Variants in DNAAF5 observed in about 807,000 individuals in gnomAD.
DNAAF5 encodes the protein HEAT repeat containing 2.
In DNAAF5, 64 loss-of-function variants were observed where a neutral mutation model predicts 75.8. The observed-to-expected ratio is 0.84, with a 90% CI of 0.69 to 1.04. The LOEUF (loss-of-function observed/expected upper bound fraction) is 1.04, where lower values mean the gene tolerates loss of function less well. DNAAF5 is among the 50% of genes least tolerant of loss of function. The probability of loss-of-function intolerance (pLI) is 0.00; values close to 1 mark genes in which losing one functional copy is unlikely to be tolerated. For missense variants in DNAAF5, 1,269 were observed against 1,178.5 expected (o/e 1.08, Z -1.12); for synonymous variants, 657 against 557.2 (o/e 1.18, Z -2.52).
rs1677834088 is a variant in DNAAF5 at position 768,906 on chromosome 7, G to C, written c.1784-1565G>C. ...ACAGTCAGAAACTGGGTCAGAAGCA[G>C]CGTGGTTCTCGTGGCAGGGCGGCAC... On this transcript the variant is annotated intron_variant, in intron 8 of 12. Coordinates refer to ENST00000297440, the MANE Select transcript of DNAAF5 (RefSeq NM_017802.4). 3 of 535,114 alleles carry C rather than the reference G, an allele frequency of 5.6e-6. No homozygotes were observed. In the South Asian group the frequency reaches 7.7e-5, roughly 14 times the overall value. 33.1% of individuals were successfully genotyped at this position (535,114 alleles called of 1,614,324 possible).
rs1168547134 is a variant in DNAAF5 at position 780,878 on chromosome 7, CTTTTTT to C, written c.2431+737_2431+742del. ...TGTTGGTGAATATAATGACGTTGTT[CTTTTTT>C]TTAATAAAATTTGTATTTTTAATTT... On this transcript the variant is annotated intron_variant, in intron 12 of 12. Transcript: ENST00000297440. 2.1e-4 allele frequency among the ~76,000 whole-genome samples: 19 copies of C among 90,380 alleles called. No individual in the cohort carries two copies. The Admixed American group carries it at 2.2e-3, about 10-fold the overall frequency. The allele number at this position is 90,380 out of a possible 152,430, so 59.3% of individuals were successfully genotyped here. A position where few individuals can be genotyped will look rare whatever the true frequency, so the allele number is the denominator to read the frequency against.
chr7:782,870 C>A (rs1007747782), intron 12 of DNAAF5, among the ~76,000 whole-genome samples: 1 of 151,920 alleles, frequency 6.6e-6, no homozygotes, highest in Non-Finnish European at 1.5e-5. Flanking sequence ...CTGGCGTGGC[C>A]GCGTCCCCTC....
intron 4 of DNAAF5, among the ~76,000 whole-genome samples, chr7:750,651 C>T (rs1157085737): frequency 6.6e-6 from 1 of 152,198 alleles, no homozygotes; most frequent in Admixed American, 6.5e-5. Context: ...CACACTCCTT[C>T]ACCATCTGCT....
chr7:744,560 T>G (rs1207336807), intron 4 of DNAAF5, among the ~76,000 whole-genome samples: 1 of 151,756 alleles, frequency 6.6e-6, no homozygotes, highest in East Asian at 2.1e-4. Flanking sequence ...AAAATGCTCA[T>G]GATCACTGGC....
chr7:747,558 G>A (rs1289926248), intron 4 of DNAAF5, among the ~76,000 whole-genome samples: 13 of 151,580 alleles, frequency 8.6e-5, no homozygotes, highest in African/African-American at 1.2e-4. Flanking sequence ...TGTTTTTAGT[G>A]TATCCAGCTG....
At chr7:771,160 C>A (rs1436382615) in intron 9 of DNAAF5, 5 of 152,358 alleles carry the variant, frequency 3.3e-5, no homozygotes, top group Non-Finnish European at 7.3e-5. Flanking sequence ...TATTGATGGT[C>A]AAAGTGGTAA....
intron 3 of DNAAF5, 55 bp from the exon 4 acceptor site, chr7:741,292 G>A (rs1229131295): frequency 9.7e-6 from 13 of 1,344,248 alleles, no homozygotes; most frequent in African/African-American, 4.3e-5. Flanking sequence ...GCAGCCCTGC[G>A]GCCTCCCCTG....
rs1778718968 is a variant in DNAAF5 at position 775,169 on chromosome 7, C to T, written c.2239+7C>T. On this transcript the variant is annotated splice_region_variant and intron_variant, in intron 11 of 12. Coordinates refer to ENST00000297440, the MANE Select transcript of DNAAF5 (RefSeq NM_017802.4). ...CTCATCAGGATTTATCCTGGTAGGA[C>T]ATTTCTGTTGTTCACAGCCTGTGTA... is the stretch of plus-strand genomic sequence containing the variant. 1.9e-6 allele frequency: 3 copies of T among 1,613,780 alleles called. No homozygotes were observed. Among genetic ancestry groups the T allele is most frequent in the African/African-American group, 1.3e-5 (1 of 74,930 alleles).
chr7:726,750 G>C lies in DNAAF5; in HGVS notation c.30G>C (p.Val10=), dbSNP rs878855037. 4.0e-6 allele frequency: 5 copies of C among 1,246,482 alleles called. No homozygotes were observed. Among genetic ancestry groups the C allele is most frequent in the Non-Finnish European group, 1.0e-6 (1 of 996,696 alleles). 77.2% of individuals were successfully genotyped at this position (1,246,482 alleles called of 1,614,324 possible). A position where few individuals can be genotyped will look rare whatever the true frequency, so the allele number is the denominator to read the frequency against. MAALGVAEA[V]AAPHPAEGAE... is the part of the protein sequence containing the mutation. ...CGGCGCTGGGGGTGGCGGAGGCCGT[G>C]GCGGCCCCACACCCGGCTGAGGGGG... The change falls in exon 1 of 13, where the codon GTG becomes GTC. Residue 10 remains valine, a synonymous_variant. Transcript: ENST00000297440.
At chr7:740,680 C>T (rs1324706809) in intron 2 of DNAAF5, 139 bp from the exon 3 acceptor site, 40 of 1,213,578 alleles carry the variant, frequency 3.3e-5, no homozygotes, top group Non-Finnish European at 4.4e-5. Context: ...GGCATCTAGG[C>T]GGTGGTAGGT....
At position 763,931 on chromosome 7, in the gene DNAAF5, C is replaced by T. The variant is rs1782743587; in HGVS notation, c.1740C>T (p.His580=). 6.2e-7 allele frequency: 1 copy of T among 1,608,768 alleles called. No homozygotes were observed. The highest frequency in any genetic ancestry group is 1.7e-5 in the Admixed American group (1 of 60,034). Residue 580 remains histidine, a synonymous_variant, in exon 8 of 13, where the codon CAC becomes CAT. Transcript: ENST00000297440. ...VTASHLDWTA[H]SPELLQFSVI... The stretch of plus-strand genomic sequence containing the variant: ...CGTCGCACCTTGACTGGACCGCACA[C>T]TCGCCGGAGCTCCTGCAGTTCAGTG...
At chr7:757,279 G>A (rs555730723) in intron 6 of DNAAF5, among the ~76,000 whole-genome samples, 6 of 150,224 alleles carry the variant, frequency 4.0e-5, no homozygotes, top group African/African-American at 7.4e-5. Flanking sequence ...GGCCGCTCAC[G>A]TTTACATTCG....
chr7:742,295 CA>C (rs1781934778), intron 4 of DNAAF5, among the ~76,000 whole-genome samples: 1 of 150,456 alleles, frequency 6.6e-6, no homozygotes, highest in Non-Finnish European at 1.5e-5. Flanking sequence ...CAGCCCACAT[CA>C]GATGCCCAGC....
rs766394790 is a variant in DNAAF5 at position 774,117 on chromosome 7, G to A, written c.2001G>A (p.Gly667=). ...CCCCCAATCTGCAGTGGCATGCGGGGAGGACAGCCGCGGCCATCCGCACGG... is the reference window on the plus strand; with the variant it reads ...CCCCCAATCTGCAGTGGCATGCGGGAAGGACAGCCGCGGCCATCCGCACGG... ...ILAPNLQWHA[G]RTAAAIRTAA... is the part of the protein sequence containing the mutation. The change falls in exon 10 of 13, where the codon GGG becomes GGA. Residue 667 remains glycine, a synonymous_variant. Coordinates refer to ENST00000297440, the MANE Select transcript of DNAAF5 (RefSeq NM_017802.4). 3 of 1,613,210 alleles carry A rather than the reference G, an allele frequency of 1.9e-6. No individual in the cohort carries two copies. In the African/African-American group the frequency reaches 4.0e-5, roughly 22 times the overall value.
intron 12 of DNAAF5, among the ~76,000 whole-genome samples, chr7:781,160 C>T (rs937114069): frequency 6.6e-6 from 1 of 152,086 alleles, no homozygotes; most frequent in African/African-American, 2.4e-5. Flanking sequence ...ATTAACCATC[C>T]CCACCTCTTC....
rs1307353210 is a variant in DNAAF5 at position 729,809 on chromosome 7, TC to T, written c.745del (p.His249IlefsTer76). ...GNGKSVDDVLSHFAQRLFDDV... is the reference protein window; with the variant it reads ...GNGKSVDDVLXHFAQRLFDDV... ...CGGGAAGTCCGTGGACGACGTGCTT[TC>T]CCATTTTGCTCAGCGACTGTTTGAT... On this transcript the variant is annotated frameshift_variant, in exon 2 of 13. Coordinates refer to ENST00000297440, the MANE Select transcript of DNAAF5 (RefSeq NM_017802.4). LOFTEE classifies it high-confidence loss of function. 1.9e-6 allele frequency: 3 copies of T among 1,614,104 alleles called. No individual in the cohort carries two copies. The highest frequency in any genetic ancestry group is 1.3e-5 in the African/African-American group (1 of 74,944).
chr7:757,572 T>C (rs1782527639), intron 6 of DNAAF5, among the ~76,000 whole-genome samples: 1 of 152,246 alleles, frequency 6.6e-6, no homozygotes, highest in Non-Finnish European at 1.5e-5. Context: ...GCCAGAGACA[T>C]TTGTTTAATT....
chr7:752,832 C>G (rs1782351024), intron 4 of DNAAF5, among the ~76,000 whole-genome samples: 1 of 152,246 alleles, frequency 6.6e-6, no homozygotes, highest in African/African-American at 2.4e-5. Context: ...AAGGATTTAT[C>G]TCCAGAGTAT....
chr7:769,284 C>T, intron 8 of DNAAF5: 2 of 702,050 alleles, frequency 2.8e-6, no homozygotes, highest in Non-Finnish European at 2.6e-6. Context: ...CTTCTGCGGC[C>T]CCAACCCAGT....
Sources: gnomAD v4.1 joint callset for allele counts (sites outside exome capture counted in the v4.1 genomes callset) on GRCh38, gnomAD v4.1.1 for gene constraint, MANE v1.5 for transcripts, NCBI Gene and HGNC (gene_info 2026-07-23, HGNC 2026-07-21) for gene names.